Variants in PCDHGA3 observed in about 807,000 individuals in gnomAD.
PCDHGA3 encodes protocadherin gamma subfamily A, 3.
In PCDHGA3, 40 loss-of-function variants were observed where a neutral mutation model predicts 58.5. That is an observed-to-expected ratio of 0.68 (90% CI 0.53 to 0.89). The LOEUF (loss-of-function observed/expected upper bound fraction) is 0.89, where lower values mean the gene tolerates loss of function less well. Ranked by LOEUF, PCDHGA3 falls within the 40% of genes least tolerant of loss-of-function variation. The pLI is 0.00. For synonymous variants in PCDHGA3, 530 were observed against 525.7 expected (o/e 1.01, Z -0.11); for missense variants, 1,223 against 1,195.9 (o/e 1.02, Z -0.33).
rs181397365 is a variant in PCDHGA3, at chr5:141,481,810, G to A, written c.2425-12997G>A. Among the ~76,000 whole-genome samples, 99 of 151,944 alleles carry A rather than the reference G, an allele frequency of 6.5e-4. 1 individual carries two copies. The highest frequency in any genetic ancestry group is 2.4e-3 in the African/African-American group (98 of 41,418). On this transcript the variant is annotated intron_variant, in intron 1 of 3. Transcript: ENST00000253812. ...CTACTAAAAATACAAAAATTCACCA[G>A]GCGTGGTGGCTGAGGCAGGAGAATC...
intron 2 of PCDHGA3, 80 bp downstream of exon 2, chr5:141,494,945 C>G (rs2099757788): frequency 6.2e-7 from 1 of 1,608,958 alleles, no homozygotes; most frequent in Non-Finnish European, 8.5e-7. Flanking sequence ...GGGGGAGGGC[C>G]CAGCATTTGC....
At position 141,428,042 on chromosome 5, in the gene PCDHGA3, G is replaced by A; in HGVS notation, c.2425-66765G>A. The A allele has an allele frequency of 1.9e-6, 3 of 1,608,716 alleles. No individual in the cohort carries two copies. The South Asian group carries it at 3.3e-5, about 18-fold the overall frequency. On this transcript the variant is annotated intron_variant, in intron 1 of 3. Transcript: ENST00000253812. ...GCGCCGCAGAGTCCGGCTACCTGGT[G>A]ACCAAGGTGGTGGCGGTGGACGCAG...
intron 1 of PCDHGA3, chr5:141,410,801 A>G (rs2095424401): frequency 3.4e-6 from 2 of 587,942 alleles, no homozygotes; most frequent in Admixed American, 4.2e-5. Context: ...AAGTTGCTCT[A>G]TCTTTTTGTA....
chr5:141,442,702 T>G (rs1301940560), intron 1 of PCDHGA3, among the ~76,000 whole-genome samples: 6 of 152,224 alleles, frequency 3.9e-5, no homozygotes, highest in Non-Finnish European at 8.8e-5. Context: ...GACAAGAGTA[T>G]CAGACATGCC....
At chr5:141,351,667 A>G (rs758441794) in intron 1 of PCDHGA3, 4 of 1,613,910 alleles carry the variant, frequency 2.5e-6, no homozygotes, top group Admixed American at 3.3e-5. Context: ...CCATTGCACA[A>G]GTAAGCGCCT....
intron 1 of PCDHGA3, among the ~76,000 whole-genome samples, chr5:141,484,819 G>A (rs2099601374): frequency 1.3e-5 from 2 of 152,122 alleles, no homozygotes; most frequent in Admixed American, 1.3e-4. Flanking sequence ...GCCGTTGAGC[G>A]GGAGGAAGGC....
At chr5:141,370,462 C>G in intron 1 of PCDHGA3, 12 of 1,612,864 alleles carry the variant, frequency 7.4e-6, no homozygotes, top group Non-Finnish European at 8.5e-6. Context: ...TTCCTGCTCT[C>G]TTTGTTAGAC....
Position 141,344,599 on chromosome 5 carries a change from C to T in PCDHGA3, c.566C>T (p.Ala189Val), listed in dbSNP as rs779646542. The T allele has an allele frequency of 6.2e-7, 1 of 1,613,826 alleles. No homozygotes were observed. The highest frequency in any genetic ancestry group is 1.3e-5 in the African/African-American group (1 of 74,918). ...SLAVNSVSEG[A>V]KYPELVLERA... is the part of the protein sequence containing the mutation. ...GCTGTGAATAGCGTCTCTGAGGGGG[C>T]CAAGTATCCAGAGCTGGTGCTGGAG... Residue 189 changes from alanine (A) to valine (V), a missense_variant, in exon 1 of 4, where the codon GCC (alanine) becomes GTC (valine). Physicochemically the swap from Ala to Val is moderately conservative, Grantham distance 64 (BLOSUM62 0). Around this residue, in one of 3 missense-constraint regions of PCDHGA3, gnomAD observed 791 missense variants for 708.5 expected, o/e 1.12. Transcript: ENST00000253812.
At chr5:141,414,161 GA>G (rs1351073953) in intron 1 of PCDHGA3, 1 of 1,603,276 alleles carries the variant, frequency 6.2e-7, no homozygotes, top group Admixed American at 1.7e-5. Context: ...GAAGATGGAG[GA>G]GCATATCTTG....
At chr5:141,349,576 T>C (rs919403109) in intron 1 of PCDHGA3, among the ~76,000 whole-genome samples, 1 of 152,194 alleles carries the variant, frequency 6.6e-6, no homozygotes, top group African/African-American at 2.4e-5. Context: ...GGCTGTGATT[T>C]CCTCTTTTTT....
intron 1 of PCDHGA3, chr5:141,408,522 A>C: frequency 1.2e-6 from 2 of 1,614,026 alleles, no homozygotes; most frequent in Non-Finnish European, 1.7e-6. Flanking sequence ...TTGCAATTGG[A>C]AGCTGTGGTG....
intron 1 of PCDHGA3, among the ~76,000 whole-genome samples, chr5:141,467,361 G>A (rs555435172): frequency 1.3e-5 from 2 of 151,860 alleles, no homozygotes; most frequent in South Asian, 4.2e-4. Context: ...CCAAATCAAC[G>A]TTTTCTTATA....
intron 1 of PCDHGA3, chr5:141,415,028 C>T (rs756347396): frequency 3.1e-6 from 5 of 1,613,524 alleles, no homozygotes; most frequent in Middle Eastern, 1.7e-4. Context: ...GCCAGCGAGC[C>T]GGGACTCTTC....
At chr5:141,369,119 A>C (rs1265778026) in intron 1 of PCDHGA3, among the ~76,000 whole-genome samples, 2 of 152,206 alleles carry the variant, frequency 1.3e-5, no homozygotes, top group Non-Finnish European at 2.9e-5. Flanking sequence ...ACTGTAAGAC[A>C]CCTGTCAGAA....
At chr5:141,470,723 G>T (rs1326927605) in intron 1 of PCDHGA3, among the ~76,000 whole-genome samples, 1 of 151,852 alleles carries the variant, frequency 6.6e-6, no homozygotes, top group East Asian at 1.9e-4. Flanking sequence ...TTTGAGTCAG[G>T]GTCTTGCTCT....
chr5:141,489,425 G>T lies in PCDHGA3; in HGVS notation c.2425-5382G>T, dbSNP rs779739693. 6.2e-7 allele frequency: 1 copy of T among 1,614,118 alleles called. No homozygotes were observed. The highest frequency in any genetic ancestry group is 8.5e-7 in the Non-Finnish European group (1 of 1,180,030). The stretch of plus-strand genomic sequence containing the variant: ...TTAAAGATGACAGATCTGTTGAGCC[G>T]GCGGCTGCAATTGGGCTCTGAGGAG... On this transcript the variant is annotated intron_variant, in intron 1 of 3. Transcript: ENST00000253812. This position sits in a 1 kb window ranked among gnomAD's most constrained non-coding sequence, Gnocchi z 4.5.
chr5:141,433,262 T>A, intron 1 of PCDHGA3: 1 of 1,339,436 alleles, frequency 7.5e-7, no homozygotes, highest in Non-Finnish European at 1.0e-6. Flanking sequence ...GGTACGATCA[T>A]AGCTCACTGC....
Position 141,383,260 on chromosome 5 carries a change from G to C in PCDHGA3, c.2424+36803G>C, listed in dbSNP as rs375487349. On this transcript the variant is annotated intron_variant, in intron 1 of 3. Coordinates refer to ENST00000253812, the MANE Select transcript of PCDHGA3 (RefSeq NM_018916.4). ...TAAAATGAATCTTTACCCTATAGAC[G>C]TGGAAATAATAGATATTAATGACAA... 3.7e-6 allele frequency: 6 copies of C among 1,613,782 alleles called. No homozygotes were observed. The African/African-American group carries it at 6.7e-5, about 18-fold the overall frequency.
At chr5:141,460,908 T>C (rs550367008) in intron 1 of PCDHGA3, among the ~76,000 whole-genome samples, 2,136 of 133,318 alleles carry the variant, frequency 0.016, 43 homozygotes, top group African/African-American at 0.062. Flanking sequence ...TAATATTCCA[T>C]GGTGTATATA....
Sources: gnomAD v4.1 joint callset for allele counts (sites outside exome capture counted in the v4.1 genomes callset) on GRCh38, gnomAD v4.1.1 for gene constraint, gnomAD v4.1.1 regional missense constraint, Gnocchi (gnomAD v3.1) non-coding constraint, MANE v1.5 for transcripts, NCBI Gene and HGNC (gene_info 2026-07-23, HGNC 2026-07-21) for gene names.